The following CCDC6 variants were observed in gnomAD, a reference collection of about 807,000 sequenced individuals.
The protein encoded by CCDC6 is coiled-coil domain containing 6.
CCDC6 carries 20 observed loss-of-function variants against 56.6 expected under a neutral mutation model. That is an observed-to-expected ratio of 0.35 (90% CI 0.25 to 0.51). CCDC6 has a LOEUF of 0.51. CCDC6 is among the 20% of genes least tolerant of loss of function. The probability of loss-of-function intolerance (pLI) is 0.95; values close to 1 mark genes in which losing one functional copy is unlikely to be tolerated. For missense variants in CCDC6, 367 were observed against 601.1 expected, an observed-to-expected ratio of 0.61 and a Z score of 4.07; for synonymous variants, 241 against 234.4, an observed-to-expected ratio of 1.03 and a Z score of -0.26.
At chr10:59,823,395 C>T (rs528346934) in intron 3 of CCDC6, among the ~76,000 whole-genome samples, 41 of 152,198 alleles carry the variant, frequency 2.7e-4, no homozygotes, top group Non-Finnish European at 5.0e-4. Flanking sequence ...AGAGTTCGTT[C>T]CTGCCAGTAC....
At chr10:59,829,361 T>C (rs948493775) in intron 3 of CCDC6, among the ~76,000 whole-genome samples, 3 of 152,248 alleles carry the variant, frequency 2.0e-5, no homozygotes, top group Non-Finnish European at 4.4e-5. Context: ...TAAAATTACA[T>C]TTTGTTTCCA....
intron 3 of CCDC6, among the ~76,000 whole-genome samples, chr10:59,825,697 A>G (rs1483844836): frequency 1.3e-5 from 2 of 152,228 alleles, no homozygotes; most frequent in East Asian, 3.8e-4. Context: ...CTATGATGTC[A>G]GTTTGGTTAT....
intron 1 of CCDC6, among the ~76,000 whole-genome samples, chr10:59,864,222 T>G (rs2132663880): frequency 1.3e-5 from 2 of 152,338 alleles, no homozygotes; most frequent in Middle Eastern, 6.8e-3. Context: ...GGCATAATTT[T>G]CAAAAGCTAC....
intron 2 of CCDC6, among the ~76,000 whole-genome samples, chr10:59,835,166 C>T (rs373118011): frequency 1.3e-5 from 2 of 152,138 alleles, no homozygotes; most frequent in East Asian, 3.9e-4. Flanking sequence ...CAACTGCTGC[C>T]ATTTTTATTT....
chr10:59,816,243 G>A (rs145260012), intron 3 of CCDC6, among the ~76,000 whole-genome samples: 1 of 152,200 alleles, frequency 6.6e-6, no homozygotes, highest in East Asian at 1.9e-4. Context: ...TAAGGATAAT[G>A]ATATCATTAT....
At chr10:59,888,272 C>T (rs2071397473) in intron 1 of CCDC6, among the ~76,000 whole-genome samples, 1 of 152,244 alleles carries the variant, frequency 6.6e-6, no homozygotes, top group Middle Eastern at 3.2e-3. Flanking sequence ...GATGCTCAGA[C>T]ATTTCTCAGC....
chr10:59,866,832 A>G (rs963515331), intron 1 of CCDC6, among the ~76,000 whole-genome samples: 3 of 152,180 alleles, frequency 2.0e-5, no homozygotes, highest in Non-Finnish European at 2.9e-5. Context: ...AACTTCCCAC[A>G]AAAGTCAACA....
chr10:59,846,708 C>A (rs1348234507), intron 2 of CCDC6, among the ~76,000 whole-genome samples: 1 of 152,126 alleles, frequency 6.6e-6, no homozygotes, highest in African/African-American at 2.4e-5. Flanking sequence ...TACTACAAAT[C>A]TATTGATTAT....
At chr10:59,877,174 A>C (rs957194233) in intron 1 of CCDC6, among the ~76,000 whole-genome samples, 2 of 152,188 alleles carry the variant, frequency 1.3e-5, no homozygotes, top group African/African-American at 2.4e-5. Flanking sequence ...GCAGATGCAA[A>C]ACATTTGACA....
chr10:59,794,393 G>GC (rs1481612485), intron 8 of CCDC6, 80 bp downstream of exon 8: 1 of 1,439,686 alleles, frequency 6.9e-7, no homozygotes, highest in African/African-American at 1.4e-5. Context: ...ATGTCTAAGG[G>GC]CACCGATCCT....
At chr10:59,798,973 G>C (rs1226329593) in intron 7 of CCDC6, among the ~76,000 whole-genome samples, 1 of 117,666 alleles carries the variant, frequency 8.5e-6, no homozygotes, top group African/African-American at 3.4e-5. Context: ...CAGCCTGCGC[G>C]ACAGAGCAAG....
chr10:59,816,373 C>T (rs1589038944), intron 3 of CCDC6, among the ~76,000 whole-genome samples: 2 of 152,158 alleles, frequency 1.3e-5, no homozygotes, highest in African/African-American at 4.8e-5. Flanking sequence ...GTAGAAACAA[C>T]TGGCCATTTG....
At chr10:59,832,950 A>C (rs1268575050) in intron 2 of CCDC6, among the ~76,000 whole-genome samples, 2 of 152,254 alleles carry the variant, frequency 1.3e-5, no homozygotes, top group Non-Finnish European at 2.9e-5. Context: ...ATTTCATACC[A>C]ATTTTTATTA....
At chr10:59,817,761 C>T (rs990090504) in intron 3 of CCDC6, among the ~76,000 whole-genome samples, 1 of 152,180 alleles carries the variant, frequency 6.6e-6, no homozygotes, top group East Asian at 1.9e-4. Context: ...GAGCAGGTCA[C>T]TCAGCTGCTG....
At chr10:59,880,541 G>A (rs1364960388) in intron 1 of CCDC6, among the ~76,000 whole-genome samples, 2 of 152,176 alleles carry the variant, frequency 1.3e-5, no homozygotes, top group Admixed American at 1.3e-4. Context: ...TGGAGTCCAG[G>A]TATTAGTAAT....
chr10:59,836,780 C>T (rs1021480135), intron 2 of CCDC6, among the ~76,000 whole-genome samples: 3 of 152,110 alleles, frequency 2.0e-5, no homozygotes, highest in Non-Finnish European at 2.9e-5. Flanking sequence ...GAATCAGAAT[C>T]ACATAACAAT....
chr10:59,855,352 G>C (rs2071072822), intron 1 of CCDC6, among the ~76,000 whole-genome samples: 1 of 152,166 alleles, frequency 6.6e-6, no homozygotes, highest in Non-Finnish European at 1.5e-5. Context: ...TGGATCACGA[G>C]GTCAGGAGTT....
intron 3 of CCDC6, among the ~76,000 whole-genome samples, chr10:59,829,893 G>C (rs1263055059): frequency 6.6e-6 from 1 of 152,148 alleles, no homozygotes; most frequent in Non-Finnish European, 1.5e-5. Flanking sequence ...GTGAATTGTA[G>C]GATATGTAAA....
chr10:59,859,182 A>AT (rs1293936313), intron 1 of CCDC6, among the ~76,000 whole-genome samples: 12 of 135,164 alleles, frequency 8.9e-5, no homozygotes, highest in African/African-American at 3.3e-4. Flanking sequence ...TTCTGGAAAA[A>AT]AAAATACATG....
Sources: allele counts gnomAD v4.1 joint callset (sites outside exome capture counted in the v4.1 genomes callset), GRCh38; gene constraint gnomAD v4.1.1; transcripts MANE v1.5; gene names NCBI Gene and HGNC (gene_info 2026-07-23, HGNC 2026-07-21).